AQP7B: variants seen among roughly 807,000 people sequenced by gnomAD.
AQP7B encodes the protein putative aquaporin-7B.
At chr2:94,599,871 T>C in the AQP7B span, among the ~76,000 whole-genome samples, 1 of 146,300 alleles carries the variant, frequency 6.8e-6, no homozygotes, top group Admixed American at 6.7e-5. Flanking sequence ...CAACTCTTTT[T>C]TTTTTCTTTT....
the AQP7B span, chr2:94,602,598 T>G: frequency 1.3e-6 from 2 of 1,595,754 alleles, no homozygotes; most frequent in Non-Finnish European, 1.7e-6. Context: ...GGAGTCCACG[T>G]GGCAGGCCGC....
chr2:94,604,502 A>G, the AQP7B span: 1 of 1,610,604 alleles, frequency 6.2e-7, no homozygotes, highest in Non-Finnish European at 8.5e-7. Flanking sequence ...CATCTCCGTG[A>G]GCCTTGCCAA....
the AQP7B span, chr2:94,603,880 C>A: frequency 7.3e-7 from 1 of 1,368,976 alleles, no homozygotes. Context: ...CCGGGACCCG[C>A]CCCCCAGCAT....
chr2:94,603,475 A>T, the AQP7B span: 1 of 1,611,386 alleles, frequency 6.2e-7, no homozygotes, highest in African/African-American at 1.3e-5. Context: ...TGATCACATG[A>T]CATTGTGGCG....
At chr2:94,599,853 G>A in the AQP7B span, among the ~76,000 whole-genome samples, 1 of 151,642 alleles carries the variant, frequency 6.6e-6, no homozygotes, top group Non-Finnish European at 1.5e-5. Context: ...GTCTACACTG[G>A]TGCCTTTCAA....
chr2:94,589,908 T>A, the AQP7B span, among the ~76,000 whole-genome samples: 1 of 151,974 alleles, frequency 6.6e-6, no homozygotes, highest in Admixed American at 6.6e-5. Flanking sequence ...CAGTCACCAA[T>A]CTCCTAAAAT....
At chr2:94,593,632 T>C in the AQP7B span, among the ~76,000 whole-genome samples, 1 of 152,024 alleles carries the variant, frequency 6.6e-6, no homozygotes, top group Non-Finnish European at 1.5e-5. Context: ...ATTACAGGCA[T>C]GTGCCACCAC....
the AQP7B span, among the ~76,000 whole-genome samples, chr2:94,591,749 C>A: frequency 2.6e-5 from 4 of 152,134 alleles, no homozygotes; most frequent in Non-Finnish European, 5.9e-5. Context: ...GTCAGTCCTA[C>A]GCCCAGAGTG....
the AQP7B span, among the ~76,000 whole-genome samples, chr2:94,602,020 T>A: frequency 8.2e-5 from 10 of 121,640 alleles, no homozygotes; most frequent in Non-Finnish European, 4.8e-5. Context: ...TGCGGCGGAG[T>A]GTGTGTGTGT....
At chr2:94,603,659 T>C in the AQP7B span, 1 of 1,317,724 alleles carries the variant, frequency 7.6e-7, no homozygotes, top group Non-Finnish European at 1.0e-6. Context: ...ACTGCCGATG[T>C]CCTGTGGCTT....
At chr2:94,602,525 C>T in the AQP7B span, 1 of 1,604,344 alleles carries the variant, frequency 6.2e-7, no homozygotes, top group Non-Finnish European at 8.5e-7. Flanking sequence ...CCATATGGTT[C>T]TAAATAAAAC....
chr2:94,602,213 G>T, the AQP7B span, among the ~76,000 whole-genome samples: 1 of 151,944 alleles, frequency 6.6e-6, no homozygotes, highest in African/African-American at 2.4e-5. Flanking sequence ...ACTTCAGGTG[G>T]GCCTGGGGCT....
At chr2:94,590,305 C>A in the AQP7B span, among the ~76,000 whole-genome samples, 1 of 152,222 alleles carries the variant, frequency 6.6e-6, no homozygotes, top group Non-Finnish European at 1.5e-5. Flanking sequence ...GTCTCAGCCC[C>A]CACCCCAGCT....
the AQP7B span, among the ~76,000 whole-genome samples, chr2:94,592,812 CTTTTTTTTTTTTTTT>C: frequency 1.9e-5 from 1 of 51,706 alleles, no homozygotes; most frequent in African/African-American, 6.8e-5. Flanking sequence ...ATTAATTAAG[CTTTTTTTTTTTTTTT>C]TTTTTTTTTT....
the AQP7B span, among the ~76,000 whole-genome samples, chr2:94,601,844 C>G: frequency 1.3e-5 from 2 of 152,010 alleles, no homozygotes; most frequent in Admixed American, 1.3e-4. Context: ...TGGCTCTAGA[C>G]TGAGGGTAAT....
chr2:94,603,117 C>A, the AQP7B span: 1 of 1,565,832 alleles, frequency 6.4e-7, no homozygotes, highest in African/African-American at 1.3e-5. Context: ...AGTCCATGTG[C>A]TGGGGCAGTT....
chr2:94,593,817 C>A, the AQP7B span, among the ~76,000 whole-genome samples: 1 of 151,988 alleles, frequency 6.6e-6, no homozygotes, highest in South Asian at 2.1e-4. Context: ...CCAGTCCCAC[C>A]CCGCCACCTT....
At chr2:94,602,633 C>T in the AQP7B span, 1 of 1,578,064 alleles carries the variant, frequency 6.3e-7, no homozygotes. Context: ...AGCCCAGGGC[C>T]TACCAGACTG....
the AQP7B span, among the ~76,000 whole-genome samples, chr2:94,592,996 G>A: frequency 6.6e-6 from 1 of 151,382 alleles, no homozygotes; most frequent in Admixed American, 6.6e-5. Flanking sequence ...ACTAATTTTT[G>A]TATTTTTTTT....
Sources: gnomAD v4.1 joint callset for allele counts (sites outside exome capture counted in the v4.1 genomes callset) on GRCh38, gnomAD v4.1.1 for gene constraint, MANE v1.5 for transcripts, NCBI Gene and HGNC (gene_info 2026-07-23, HGNC 2026-07-21) for gene names.